Variants in ANKMY2 observed in about 807,000 individuals in gnomAD.
ANKMY2 encodes ankyrin repeat and MYND domain containing 2, also known as ankyrin repeat and MYND domain-containing protein 2.
Under a neutral mutation model 50.4 loss-of-function variants are expected in ANKMY2, and 36 were observed. That is an observed-to-expected ratio of 0.71 (90% CI 0.55 to 0.94). ANKMY2 has a LOEUF of 0.94. Among genes scored for constraint, ANKMY2 ranks in the 40% least tolerant of loss-of-function variants. The pLI, the probability that ANKMY2 is intolerant of heterozygous loss-of-function variation, is 0.00. For missense variants in ANKMY2, 565 were observed against 524.0 expected (o/e 1.08, Z -0.76); for synonymous variants, 187 against 178.8 (o/e 1.05, Z -0.36).
intron 4 of ANKMY2, among the ~76,000 whole-genome samples, chr7:16,623,030 T>C (rs62443212): frequency 0.18 from 26,872 of 152,076 alleles, 2,659 homozygotes; most frequent in Middle Eastern, 0.26. Context: ...TTGAAGGAAA[T>C]GAATTACACC....
chr7:16,640,354 T>C (rs1245756165), intron 1 of ANKMY2, among the ~76,000 whole-genome samples: 2 of 152,086 alleles, frequency 1.3e-5, no homozygotes, highest in Non-Finnish European at 2.9e-5. Context: ...ACAATATAAT[T>C]CATTGTAACA....
At chr7:16,608,505 T>C (rs552904453) in intron 7 of ANKMY2, among the ~76,000 whole-genome samples, 2 of 152,134 alleles carry the variant, frequency 1.3e-5, no homozygotes, top group Non-Finnish European at 1.5e-5. Context: ...GAAGCCCTGA[T>C]GTTCCACACT....
chr7:16,613,171 C>T (rs954074664), intron 5 of ANKMY2, among the ~76,000 whole-genome samples: 8 of 152,114 alleles, frequency 5.3e-5, no homozygotes, highest in African/African-American at 1.9e-4. Flanking sequence ...CAGCACAATC[C>T]TCCAAATCCC....
intron 5 of ANKMY2, among the ~76,000 whole-genome samples, chr7:16,614,331 A>G (rs928816387): frequency 3.3e-5 from 5 of 152,216 alleles, no homozygotes; most frequent in Admixed American, 2.0e-4. Flanking sequence ...GCAGTTCACA[A>G]CTGAATTTGC....
intron 2 of ANKMY2, among the ~76,000 whole-genome samples, chr7:16,627,969 T>G (rs867584959): frequency 1.6e-4 from 25 of 152,302 alleles, no homozygotes; most frequent in African/African-American, 5.8e-4. Context: ...TATGATTTGA[T>G]TATATGTGAT....
chr7:16,643,036 A>G (rs1781766109), intron 1 of ANKMY2, among the ~76,000 whole-genome samples: 1 of 152,226 alleles, frequency 6.6e-6, no homozygotes, highest in African/African-American at 2.4e-5. Flanking sequence ...TATAAAGTGA[A>G]GATTACTATA....
chr7:16,630,636 T>C (rs756333803), intron 2 of ANKMY2, among the ~76,000 whole-genome samples: 29 of 152,088 alleles, frequency 1.9e-4, no homozygotes, highest in Non-Finnish European at 3.8e-4. Flanking sequence ...ACATTGGAGG[T>C]AGCAATAAGC....
At chr7:16,622,525 T>C (rs1342999744) in intron 4 of ANKMY2, among the ~76,000 whole-genome samples, 3 of 151,948 alleles carry the variant, frequency 2.0e-5, no homozygotes, top group Non-Finnish European at 4.4e-5. Flanking sequence ...GATCACAAGG[T>C]CAGGAGTTCA....
intron 8 of ANKMY2, chr7:16,603,692 G>A (rs1781110502): frequency 2.1e-6 from 1 of 470,986 alleles, no homozygotes; most frequent in Admixed American, 2.4e-5. Flanking sequence ...TTCAGATTGG[G>A]CCATGTAATT....
At chr7:16,644,734 G>T in intron 1 of ANKMY2, 1 of 470,992 alleles carries the variant, frequency 2.1e-6, no homozygotes. Context: ...CGTCCACTCG[G>T]GGACTCCGGG....
chr7:16,604,260 C>T lies in ANKMY2; in HGVS notation c.1011+461G>A, dbSNP rs1395297923. Among the ~76,000 whole-genome samples the T allele has an allele frequency of 3.3e-5, 5 of 152,256 alleles. No individual in the cohort carries two copies. In the East Asian group the frequency reaches 7.7e-4, roughly 24 times the overall value. On this transcript the variant is annotated intron_variant, in intron 8 of 9. Coordinates refer to ENST00000306999, the MANE Select transcript of ANKMY2 (RefSeq NM_020319.3). ...TCTGGCAGAAGGGGGCAGTACAGTC[C>T]ATAGGGATTAAAGACTGGTAACAGT...
chr7:16,626,181 G>T (rs1484586907), intron 3 of ANKMY2, among the ~76,000 whole-genome samples: 1 of 151,898 alleles, frequency 6.6e-6, no homozygotes, highest in African/African-American at 2.4e-5. Context: ...GGGTCTCATG[G>T]TGTTGCCTAG....
At chr7:16,620,932 G>T (rs537476135) in intron 4 of ANKMY2, among the ~76,000 whole-genome samples, 1 of 152,130 alleles carries the variant, frequency 6.6e-6, no homozygotes, top group South Asian at 2.1e-4. Context: ...GAAAAAGAGT[G>T]ACATTATACA....
rs1285760703 is a variant in ANKMY2 at position 16,615,961 on chromosome 7, T to C, written c.371-57A>G. The C allele has an allele frequency of 1.5e-5, 23 of 1,488,246 alleles. No individual in the cohort carries two copies. The East Asian group carries it at 4.9e-4, about 32-fold the overall frequency. 92.2% of individuals were successfully genotyped at this position (1,488,246 alleles called of 1,614,324 possible). A position where few individuals can be genotyped will look rare whatever the true frequency, so the allele number is the denominator to read the frequency against. ...TTAGTATTAAAAATAACACATCTGG[T>C]TTTTAAAATTAATTATGTTGCTATT... is the stretch of plus-strand genomic sequence containing the variant. On this transcript the variant is annotated intron_variant, in intron 4 of 9. Coordinates refer to ENST00000306999, the MANE Select transcript of ANKMY2 (RefSeq NM_020319.3).
chr7:16,636,269 T>C (rs62440993), intron 2 of ANKMY2, 122 bp downstream of exon 2: 237,985 of 671,828 alleles, frequency 0.35, 47,077 homozygotes, highest in Non-Finnish European at 0.37. Context: ...TGCCACTGCA[T>C]TCCAGCCTGG....
rs975376611 is a variant in ANKMY2 at position 16,632,154 on chromosome 7, A to C, written c.132+4237T>G. Among the ~76,000 whole-genome samples the C allele has an allele frequency of 4.1e-5, 5 of 122,776 alleles. 1 individual carries two copies. The highest frequency in any genetic ancestry group is 2.1e-4 in the Admixed American group (2 of 9,580). The allele number at this position is 122,776 out of a possible 152,430, so 80.5% of individuals were successfully genotyped here. A position where few individuals can be genotyped will look rare whatever the true frequency, so the allele number is the denominator to read the frequency against. The stretch of plus-strand genomic sequence containing the variant: ...CTTCCTTCCTCCTTACTGTTTATAC[A>C]TGTTGTTTTCTTGCTTGTACTTCCC... On this transcript the variant is annotated intron_variant, in intron 2 of 9. Transcript: ENST00000306999.
intron 5 of ANKMY2, among the ~76,000 whole-genome samples, chr7:16,611,384 T>C (rs1272327880): frequency 6.6e-6 from 1 of 152,232 alleles, no homozygotes; most frequent in African/African-American, 2.4e-5. Context: ...AATATTAGAA[T>C]GATCAAATCT....
At chr7:16,601,451 A>G (rs1465867996) in intron 9 of ANKMY2, among the ~76,000 whole-genome samples, 3 of 152,242 alleles carry the variant, frequency 2.0e-5, no homozygotes, top group African/African-American at 4.8e-5. Flanking sequence ...TTCTCCCTCA[A>G]TAGTGTGTTA....
rs761229424 is a variant in ANKMY2, at chr7:16,615,728, G to C, written c.531+16C>G. 6.2e-7 allele frequency: 1 copy of C among 1,613,928 alleles called. No homozygotes were observed. Among genetic ancestry groups the C allele is most frequent in the South Asian group, 1.1e-5 (1 of 91,036 alleles). On this transcript the variant is annotated intron_variant, in intron 5 of 9. Coordinates refer to ENST00000306999, the MANE Select transcript of ANKMY2 (RefSeq NM_020319.3). ...AATATTTACATAAAAAGCAAATACGGTAGACACCACACTACCTTGACAGGA... is the reference window on the plus strand; with the variant it reads ...AATATTTACATAAAAAGCAAATACGCTAGACACCACACTACCTTGACAGGA...
Sources: gnomAD v4.1 joint callset for allele counts (sites outside exome capture counted in the v4.1 genomes callset) on GRCh38, gnomAD v4.1.1 for gene constraint, MANE v1.5 for transcripts, NCBI Gene and HGNC (gene_info 2026-07-23, HGNC 2026-07-21) for gene names.